The following NOL4L variants were observed in gnomAD, a reference collection of about 807,000 sequenced individuals.
NOL4L encodes the protein nucleolar protein 4-like.
A neutral mutation model predicts 64.5 loss-of-function variants in NOL4L; 7 were observed. That is an observed-to-expected ratio of 0.11 (90% CI 0.06 to 0.20). The LOEUF is 0.20. NOL4L is among the 10% of genes least tolerant of loss of function. The probability of loss-of-function intolerance (pLI) is 1.00; values close to 1 mark genes in which losing one functional copy is unlikely to be tolerated. For missense variants in NOL4L, 680 were observed against 967.1 expected, an observed-to-expected ratio of 0.70 and a Z score of 3.94; for synonymous variants, 413 against 401.0, an observed-to-expected ratio of 1.03 and a Z score of -0.36.
At chr20:32,480,907 A>G (rs2015673964) in intron 4 of NOL4L, among the ~76,000 whole-genome samples, 2 of 152,150 alleles carry the variant, frequency 1.3e-5, no homozygotes, top group South Asian at 4.1e-4. Flanking sequence ...CCAGCCTTCC[A>G]GCACTCCCTG....
At chr20:32,466,715 G>A (rs1169804894) in intron 5 of NOL4L, among the ~76,000 whole-genome samples, 1 of 152,236 alleles carries the variant, frequency 6.6e-6, no homozygotes, top group Admixed American at 6.5e-5. Flanking sequence ...CCTCAGCTGT[G>A]AGAATTAGGG....
At chr20:32,556,680 G>A (rs1489212173) in intron 1 of NOL4L, among the ~76,000 whole-genome samples, 1 of 152,220 alleles carries the variant, frequency 6.6e-6, no homozygotes, top group African/African-American at 2.4e-5. Flanking sequence ...GGTGACACAA[G>A]TGTCCTCAGC....
rs1240514809 is a variant in NOL4L, at chr20:32,488,799, CTT to C, written c.700-14059_700-14058del. ...CCTTCCTTCCTTCCTTCCTTTCTTT[CTT>C]TCTTTTTCTTTCTTTCTTTCTTTCT... On this transcript the variant is annotated intron_variant, in intron 4 of 10. Coordinates refer to ENST00000621426, the MANE Select transcript of NOL4L (RefSeq NM_001256798.2). Among the ~76,000 whole-genome samples, 45 of 36,530 alleles carry C rather than the reference CTT, an allele frequency of 1.2e-3. 2 individuals carry two copies. The highest frequency in any genetic ancestry group is 6.3e-3 in the East Asian group (4 of 638). The allele number at this position is 36,530 out of a possible 152,430, so 24.0% of individuals were successfully genotyped here.
chr20:32,450,061 T>C (rs2012725670), intron 10 of NOL4L: 1 of 152,266 alleles, frequency 6.6e-6, no homozygotes, highest in Admixed American at 6.5e-5. Context: ...TACAGCCAGA[T>C]GCTCAGGTTG....
At chr20:32,579,102 G>T (rs1980306836) in intron 1 of NOL4L, among the ~76,000 whole-genome samples, 3 of 152,190 alleles carry the variant, frequency 2.0e-5, no homozygotes. Context: ...CACCACACTG[G>T]CAGACAGACA....
At chr20:32,571,513 C>T (rs189187078) in intron 1 of NOL4L, among the ~76,000 whole-genome samples, 56 of 152,314 alleles carry the variant, frequency 3.7e-4, no homozygotes, top group African/African-American at 1.3e-3. Flanking sequence ...GGCCAACTGC[C>T]GGTTTTGGTT....
chr20:32,520,321 G>A (rs2017878434), intron 3 of NOL4L: 1 of 152,466 alleles, frequency 6.6e-6, no homozygotes, highest in African/African-American at 2.4e-5. Flanking sequence ...AGTACTCCGT[G>A]GGTTTACTTA....
intron 1 of NOL4L, among the ~76,000 whole-genome samples, chr20:32,531,483 A>G (rs1448924108): frequency 6.6e-6 from 1 of 151,662 alleles, no homozygotes; most frequent in Non-Finnish European, 1.5e-5. Context: ...CTCCCAAGTA[A>G]CTGGGATTAA....
At chr20:32,488,827 T>TTCTTTCTTTCTTTCTTTCTTTC (rs11483298) in intron 4 of NOL4L, among the ~76,000 whole-genome samples, 4 of 33,150 alleles carry the variant, frequency 1.2e-4, no homozygotes, top group South Asian at 8.1e-4. Context: ...CTTTCTTTCT[T>TTCTTTCTTTCTTTCTTTCTTTC]TTTCTTTCTT....
In NOL4L at chr20:32,460,376, C is replaced by T. The variant is rs1173065013; in HGVS notation, c.842-3981G>A. Reference sequence around the variant, plus strand: ...CCAAGGTCTCGCCTACCCCCAGCTCCGCTCAGGCAGCCCCGGCATGCCAGC... The same window carrying T: ...CCAAGGTCTCGCCTACCCCCAGCTCTGCTCAGGCAGCCCCGGCATGCCAGC... On this transcript the variant is annotated intron_variant, in intron 5 of 10. Transcript: ENST00000621426. The surrounding 1 kb of genome is among the most constrained non-coding windows in gnomAD (Gnocchi z 5.7). 2.6e-5 allele frequency among the ~76,000 whole-genome samples: 4 copies of T among 152,212 alleles called. No individual in the cohort carries two copies. Among genetic ancestry groups the T allele is most frequent in the Non-Finnish European group, 4.4e-5 (3 of 68,032 alleles).
chr20:32,485,454 C>T (rs756516000), intron 4 of NOL4L: 6 of 254,670 alleles, frequency 2.4e-5, no homozygotes, highest in Admixed American at 5.1e-5. Context: ...ATTAGCGCCA[C>T]GCAGGCTTCC....
Position 32,456,662 on chromosome 20 carries a change from T to C in NOL4L, c.842-267A>G, listed in dbSNP as rs952583305. On this transcript the variant is annotated intron_variant, in intron 5 of 10. Transcript: ENST00000621426. ...TGGAGGGTCTTCCTGCACCCCAAAC[T>C]CGCAAGCGTTATGTCCAGGCTTAAG... 1.1e-4 allele frequency among the ~76,000 whole-genome samples: 17 copies of C among 152,138 alleles called. No individual in the cohort carries two copies. In the South Asian group the frequency reaches 2.5e-3, roughly 22 times the overall value.
At chr20:32,566,598 G>C (rs541425838) in intron 1 of NOL4L, among the ~76,000 whole-genome samples, 2 of 152,234 alleles carry the variant, frequency 1.3e-5, no homozygotes, top group Non-Finnish European at 2.9e-5. Flanking sequence ...TCCTGCCTCG[G>C]GGCCTTTGCA....
chr20:32,527,606 G>A (rs550913370), intron 2 of NOL4L, among the ~76,000 whole-genome samples, 152 bp downstream of exon 2: 1 of 151,906 alleles, frequency 6.6e-6, no homozygotes, highest in East Asian at 1.9e-4. Context: ...TCTGGCTGCC[G>A]TGCCCTTGCC....
In NOL4L at chr20:32,478,045, G is replaced by A. The variant is rs556995938; in HGVS notation, c.700-3303C>T. ...GAGGCCCGCCCCGCCTGCCCCAACT[G>A]CCCAGGGGCACGAAGCCAGCAGCAC... On this transcript the variant is annotated intron_variant, in intron 4 of 10. Coordinates refer to ENST00000621426, the MANE Select transcript of NOL4L (RefSeq NM_001256798.2). Among the ~76,000 whole-genome samples, 7 of 152,278 alleles carry A rather than the reference G, an allele frequency of 4.6e-5. No individual in the cohort carries two copies. The East Asian group carries it at 1.3e-3, about 29-fold the overall frequency.
chr20:32,566,090 A>G (rs1002678141), intron 1 of NOL4L, among the ~76,000 whole-genome samples: 11 of 152,164 alleles, frequency 7.2e-5, no homozygotes, highest in Admixed American at 5.9e-4. Context: ...AAGCTCCTAT[A>G]AGCCAGGCCT....
At chr20:32,584,129 G>C (rs1462510149) in intron 1 of NOL4L, among the ~76,000 whole-genome samples, 1 of 98,212 alleles carries the variant, frequency 1.0e-5, no homozygotes, top group African/African-American at 4.9e-5. Context: ...CACCCTCCGC[G>C]CGCGCACACA....
At chr20:32,577,606 G>C (rs1980198685) in intron 1 of NOL4L, among the ~76,000 whole-genome samples, 1 of 152,206 alleles carries the variant, frequency 6.6e-6, no homozygotes, top group Non-Finnish European at 1.5e-5. Flanking sequence ...AACTACTTGG[G>C]AGGCTGAGGC....
intron 4 of NOL4L, among the ~76,000 whole-genome samples, chr20:32,501,450 A>G (rs1253063144): frequency 6.6e-6 from 1 of 152,246 alleles, no homozygotes; most frequent in Non-Finnish European, 1.5e-5. Flanking sequence ...CCTGGATGAA[A>G]TCTTGGAACA....
Sources: gnomAD v4.1 joint callset for allele counts (sites outside exome capture counted in the v4.1 genomes callset) on GRCh38, gnomAD v4.1.1 for gene constraint, Gnocchi (gnomAD v3.1) non-coding constraint, MANE v1.5 for transcripts, NCBI Gene and HGNC (gene_info 2026-07-23, HGNC 2026-07-21) for gene names.